The following HSD17B3 variants were observed in gnomAD, a reference collection of about 807,000 sequenced individuals.
HSD17B3 encodes 17-beta-hydroxysteroid dehydrogenase type 3.
HSD17B3 carries 29 observed loss-of-function variants against 41.1 expected under a neutral mutation model. The observed-to-expected ratio is 0.71, with a 90% CI of 0.53 to 0.96. The LOEUF (loss-of-function observed/expected upper bound fraction) is 0.96, where lower values mean the gene tolerates loss of function less well. HSD17B3 is among the 40% of genes least tolerant of loss of function. The pLI is 0.00. For missense variants in HSD17B3, 323 were observed against 374.6 expected (o/e 0.86, Z 1.14); for synonymous variants, 126 against 145.6 (o/e 0.87, Z 0.97).
At chr9:96,251,882 T>C (rs1008611192) in intron 4 of HSD17B3, among the ~76,000 whole-genome samples, 1 of 152,234 alleles carries the variant, frequency 6.6e-6, no homozygotes, top group African/African-American at 2.4e-5. Context: ...TTTATTTTAT[T>C]AGCCTGTCTA....
chr9:96,247,910 G>A (rs1460299521), intron 6 of HSD17B3, among the ~76,000 whole-genome samples: 1 of 152,178 alleles, frequency 6.6e-6, no homozygotes, highest in African/African-American at 2.4e-5. Context: ...AAATAGTGCA[G>A]CTTCACTAGT....
At chr9:96,260,939 G>A (rs1226775181) in intron 2 of HSD17B3, among the ~76,000 whole-genome samples, 8 of 152,216 alleles carry the variant, frequency 5.3e-5, no homozygotes, top group Admixed American at 1.3e-4. Flanking sequence ...GAGAGGGCTC[G>A]CAGTAGTCCC....
chr9:96,298,383 A>G, intron 2 of HSD17B3, 33 bp downstream of exon 2: 1 of 1,577,236 alleles, frequency 6.3e-7, no homozygotes, highest in Non-Finnish European at 8.7e-7. Flanking sequence ...GTTCAATACA[A>G]GGGAGGAGAA....
At chr9:96,238,399 C>T (rs1836307636) in intron 10 of HSD17B3, among the ~76,000 whole-genome samples, 1 of 152,012 alleles carries the variant, frequency 6.6e-6, no homozygotes, top group Non-Finnish European at 1.5e-5. Context: ...TGGTGGCTCA[C>T]GCCTGTAATC....
intron 1 of HSD17B3, among the ~76,000 whole-genome samples, chr9:96,300,955 T>G (rs75867504): frequency 0.031 from 4,777 of 152,268 alleles, 159 homozygotes; most frequent in African/African-American, 0.075. Context: ...ATTTCAAAAT[T>G]TGGAAACACC....
At chr9:96,254,752 G>C (rs759863523) in intron 3 of HSD17B3, 116 bp downstream of exon 3, 10 of 868,150 alleles carry the variant, frequency 1.2e-5, no homozygotes, top group Non-Finnish European at 1.9e-5. Flanking sequence ...CAGGAGAGCT[G>C]GTGCCCCAGG....
intron 2 of HSD17B3, among the ~76,000 whole-genome samples, chr9:96,266,683 G>T (rs575264434): frequency 6.6e-6 from 1 of 152,184 alleles, no homozygotes; most frequent in African/African-American, 2.4e-5. Context: ...ATCCTCAAAA[G>T]TCTCAGGCAC....
chr9:96,261,474 C>A lies in HSD17B3; in HGVS notation c.202-6531G>T, dbSNP rs529247020. Among the ~76,000 whole-genome samples, 4 of 152,326 alleles carry A rather than the reference C, an allele frequency of 2.6e-5. No homozygotes were observed. The South Asian group carries it at 8.3e-4, about 32-fold the overall frequency. Reference sequence around the variant, plus strand: ...CCTCCCAAAGTGCTGGGATTACAGGCATGAGCCACTGCACTTGGCCCAAAA... The same window carrying A: ...CCTCCCAAAGTGCTGGGATTACAGGAATGAGCCACTGCACTTGGCCCAAAA... On this transcript the variant is annotated intron_variant, in intron 2 of 10. Transcript: ENST00000375263.
At chr9:96,239,165 G>T (rs1836337682) in intron 10 of HSD17B3, among the ~76,000 whole-genome samples, 1 of 152,166 alleles carries the variant, frequency 6.6e-6, no homozygotes, top group South Asian at 2.1e-4. Context: ...ATAAACTTCA[G>T]CAAGGTGAAC....
chr9:96,276,146 A>G (rs1587763942), intron 2 of HSD17B3, among the ~76,000 whole-genome samples: 1 of 151,170 alleles, frequency 6.6e-6, no homozygotes, highest in South Asian at 2.1e-4. Flanking sequence ...AAGAAAGAAG[A>G]CAATTCGATT....
At chr9:96,285,704 T>A (rs1320005564) in intron 2 of HSD17B3, among the ~76,000 whole-genome samples, 1 of 152,192 alleles carries the variant, frequency 6.6e-6, no homozygotes, top group Non-Finnish European at 1.5e-5. Flanking sequence ...CTTGGAGTTA[T>A]GAATGACCCT....
chr9:96,286,427 G>A (rs1428003724), intron 2 of HSD17B3, among the ~76,000 whole-genome samples: 2 of 152,198 alleles, frequency 1.3e-5, no homozygotes, highest in East Asian at 1.9e-4. Flanking sequence ...AGTGGCCCAC[G>A]CCTGTGATCC....
chr9:96,294,617 T>G (rs1186145075), intron 2 of HSD17B3, among the ~76,000 whole-genome samples: 1 of 152,218 alleles, frequency 6.6e-6, no homozygotes, highest in Non-Finnish European at 1.5e-5. Context: ...TGCTTGGCAA[T>G]CCAGGGAACT....
chr9:96,284,479 A>T (rs977093751), intron 2 of HSD17B3, among the ~76,000 whole-genome samples: 1 of 152,206 alleles, frequency 6.6e-6, no homozygotes, highest in Admixed American at 6.5e-5. Flanking sequence ...TAAGTGCAAA[A>T]AGAATCTGTT....
chr9:96,290,205 C>T (rs903175947), intron 2 of HSD17B3, among the ~76,000 whole-genome samples: 11 of 152,014 alleles, frequency 7.2e-5, no homozygotes, highest in Non-Finnish European at 1.5e-4. Context: ...TCAAGTAATG[C>T]TTGAAATTCT....
At chr9:96,283,980 T>G (rs1033899867) in intron 2 of HSD17B3, among the ~76,000 whole-genome samples, 44 of 152,188 alleles carry the variant, frequency 2.9e-4, no homozygotes, top group African/African-American at 9.9e-4. Context: ...ATCCCAGCAC[T>G]TTAGGAGTCC....
intron 2 of HSD17B3, among the ~76,000 whole-genome samples, chr9:96,274,827 C>G (rs183003153): frequency 6.6e-6 from 1 of 152,164 alleles, no homozygotes; most frequent in East Asian, 1.9e-4. Flanking sequence ...GGGCAACAGG[C>G]TTATGTGAAA....
chr9:96,236,169 T>G (rs1836231188), intron 10 of HSD17B3, among the ~76,000 whole-genome samples: 1 of 151,892 alleles, frequency 6.6e-6, no homozygotes. Flanking sequence ...CTTTTTCTCT[T>G]AGTGAGTATG....
At chr9:96,290,795 C>T (rs1827127501) in intron 2 of HSD17B3, among the ~76,000 whole-genome samples, 1 of 151,810 alleles carries the variant, frequency 6.6e-6, no homozygotes, top group African/African-American at 2.4e-5. Context: ...GATCGCGCCA[C>T]TGCACTCCAG....
Sources: allele counts gnomAD v4.1 joint callset (sites outside exome capture counted in the v4.1 genomes callset), GRCh38; gene constraint gnomAD v4.1.1; transcripts MANE v1.5; gene names NCBI Gene and HGNC (gene_info 2026-07-23, HGNC 2026-07-21).